The following SLC6A7 variants were observed in gnomAD, a reference collection of about 807,000 sequenced individuals.
SLC6A7 encodes sodium-dependent proline transporter.
A neutral mutation model predicts 73.1 loss-of-function variants in SLC6A7; 58 were observed. That is an observed-to-expected ratio of 0.79 (90% CI 0.64 to 0.99). SLC6A7 has a LOEUF of 0.99. SLC6A7 is among the 50% of genes least tolerant of loss of function. The pLI, the probability that SLC6A7 is intolerant of heterozygous loss-of-function variation, is 0.00. For synonymous variants in SLC6A7, 338 were observed against 338.7 expected, an observed-to-expected ratio of 1.00 and a Z score of 0.02; for missense variants, 783 against 831.4, an observed-to-expected ratio of 0.94 and a Z score of 0.72.
In SLC6A7 at chr5:150,206,088, A is replaced by C. The variant is rs140122020; in HGVS notation, c.1701+465A>C. 3.5e-3 allele frequency among the ~76,000 whole-genome samples: 528 copies of C among 152,322 alleles called. 3 individuals are homozygous for C. The highest frequency in any genetic ancestry group is 0.012 in the African/African-American group (508 of 41,584). ...CGCCTAGGGTTTTGGGGAGGGACTC[A>C]GACAAACAGAGAGAGTGCACTCTGC... On this transcript the variant is annotated intron_variant, in intron 13 of 13. Transcript: ENST00000230671.
rs764568045 is a variant in SLC6A7, at chr5:150,203,977, C to T, written c.1271C>T (p.Ala424Val). 12 of 1,613,612 alleles carry T rather than the reference C, an allele frequency of 7.4e-6. No homozygotes were observed. The highest frequency in any genetic ancestry group is 1.6e-4 in the Middle Eastern group (1 of 6,084). Reference sequence around the variant, plus strand: ...CCATACTACCTGCGGCCCAAGAAGGCGGTGTTCTCAGGGCTCATCTGCGTG... The same window carrying T: ...CCATACTACCTGCGGCCCAAGAAGGTGGTGTTCTCAGGGCTCATCTGCGTG... ...EFPYYLRPKK[A>V]VFSGLICVAM... The change falls in exon 10 of 14, where the codon GCG (alanine) becomes GTG (valine). Residue 424 changes from alanine (A) to valine (V), a missense_variant. Ala to Val is a moderately conservative substitution (Grantham distance 64). Transcript: ENST00000230671.
rs368604550 is a variant in SLC6A7, at chr5:150,209,594, G to T, written c.1890G>T (p.Glu630Asp). ...TCGAGGTGGACCGTGAGATTGCAGA[G>T]GAGGAGGAGTCGATGATGTGAGGCA... is the stretch of plus-strand genomic sequence containing the variant. ...TAIEVDREIAEEEESMM is the reference protein window; with the variant it reads ...TAIEVDREIADEEESMM Residue 630 changes from glutamate (E) to aspartate (D), a missense_variant, in exon 14 of 14, where the codon GAG becomes GAT. Glu to Asp is a conservative substitution (Grantham distance 45). Coordinates refer to ENST00000230671, the MANE Select transcript of SLC6A7 (RefSeq NM_014228.5). The T allele has an allele frequency of 5.8e-5, 93 of 1,608,836 alleles. No homozygotes were observed. The highest frequency in any genetic ancestry group is 7.5e-5 in the Non-Finnish European group (88 of 1,177,340).
intron 1 of SLC6A7, among the ~76,000 whole-genome samples, chr5:150,193,444 C>T (rs1752874120): frequency 6.6e-6 from 1 of 152,210 alleles, no homozygotes; most frequent in Non-Finnish European, 1.5e-5. Flanking sequence ...ACAAAATTCA[C>T]CCAGCCCTCA....
chr5:150,193,860 C>T (rs3776088), intron 1 of SLC6A7, among the ~76,000 whole-genome samples: 4,709 of 152,274 alleles, frequency 0.031, 103 homozygotes, highest in East Asian at 0.12. Flanking sequence ...ACCTGGCTTT[C>T]GCATCAGGAA....
chr5:150,208,090 C>T (rs923224024), intron 13 of SLC6A7, among the ~76,000 whole-genome samples: 1 of 151,914 alleles, frequency 6.6e-6, no homozygotes, highest in Non-Finnish European at 1.5e-5. Context: ...GGTCTGAGCA[C>T]CCCCGTTTTC....
At chr5:150,197,811 T>C (rs1166292836) in intron 4 of SLC6A7, among the ~76,000 whole-genome samples, 1 of 152,116 alleles carries the variant, frequency 6.6e-6, no homozygotes, top group African/African-American at 2.4e-5. Flanking sequence ...AGGACGTACA[T>C]AGTAAGGACC....
At position 150,209,438 on chromosome 5, in the gene SLC6A7, C is replaced by G. The variant is rs766362022; in HGVS notation, c.1734C>G (p.Asp578Glu). The G allele has an allele frequency of 6.2e-7, 1 of 1,613,994 alleles. No homozygotes were observed. The highest frequency in any genetic ancestry group is 1.1e-5 in the South Asian group (1 of 91,076). ...AACAGGCCAGCCGGCCGGCCATGGA[C>G]TGGGGACCATCGCTGGAGGAGAACC... ...RLQQASRPAM[D>E]WGPSLEENRT... The change falls in exon 14 of 14, where the codon GAC becomes GAG. Residue 578 changes from aspartate (D) to glutamate (E), a missense_variant. Asp to Glu is a conservative substitution (Grantham distance 45). Transcript: ENST00000230671.
chr5:150,204,809 C>T lies in SLC6A7; in HGVS notation c.1433-18C>T, dbSNP rs779516317. The T allele has an allele frequency of 1.3e-6, 2 of 1,566,196 alleles. No homozygotes were observed. Among genetic ancestry groups the T allele is most frequent in the Non-Finnish European group, 1.8e-6 (2 of 1,137,132 alleles). On this transcript the variant is annotated intron_variant, in intron 11 of 13. Transcript: ENST00000230671. ...GGGCCGGCGGGTGGGGCCATTCCTC[C>T]TCCCCTCCCCTGTGCAGGCATTCAG...
intron 1 of SLC6A7, among the ~76,000 whole-genome samples, chr5:150,193,266 A>G (rs1362427418): frequency 6.6e-6 from 1 of 152,204 alleles, no homozygotes; most frequent in Non-Finnish European, 1.5e-5. Context: ...CTAAGGGAGA[A>G]TGCCCCATGG....
chr5:150,202,243 G>A lies in SLC6A7; in HGVS notation c.859-104G>A, dbSNP rs545174762. The stretch of plus-strand genomic sequence containing the variant: ...CAGGCTCATGACCACGCCATCCCTC[G>A]TGACCACGCCATCCCTGGAGCTGTC... On this transcript the variant is annotated intron_variant, in intron 6 of 13. Coordinates refer to ENST00000230671, the MANE Select transcript of SLC6A7 (RefSeq NM_014228.5). 122 of 808,228 alleles carry A rather than the reference G, an allele frequency of 1.5e-4. 7 individuals are homozygous for A. Among genetic ancestry groups the A allele is most frequent in the South Asian group, 1.2e-4 (8 of 64,560 alleles). The allele number at this position is 808,228 out of a possible 1,614,324, so 50.1% of individuals were successfully genotyped here.
intron 7 of SLC6A7, 54 bp downstream of exon 7, chr5:150,202,504 G>C: frequency 1.2e-6 from 2 of 1,610,738 alleles, no homozygotes; most frequent in Middle Eastern, 1.7e-4. Context: ...GAGGAGAGTG[G>C]CTGGCCAGGG....
In SLC6A7 at chr5:150,194,890, C is replaced by T. The variant is rs1239391602; in HGVS notation, c.196C>T (p.Arg66Ter). Residue 66 changes from arginine to a stop codon, truncating the protein, a stop_gained, in exon 2 of 14, where the codon CGA becomes TGA. Transcript: ENST00000230671. LOFTEE classifies it high-confidence loss of function. ...GLGNVWRFPY[R>*]AYTNGGGAFL... is the part of the protein sequence containing the mutation. ...GGGGAATGTCTGGCGCTTCCCCTAT[C>T]GAGCGTACACCAATGGAGGAGGTAT... 5.6e-6 allele frequency: 9 copies of T among 1,614,072 alleles called. No individual in the cohort carries two copies. The highest frequency in any genetic ancestry group is 1.3e-5 in the African/African-American group (1 of 75,060).
Position 150,190,203 on chromosome 5 carries a change from C to G in SLC6A7, c.-125C>G, listed in dbSNP as rs1268043681. The G allele has an allele frequency of 1.3e-6, 1 of 761,966 alleles. No homozygotes were observed. The highest frequency in any genetic ancestry group is 1.9e-5 in the African/African-American group (1 of 53,132). 47.2% of individuals were successfully genotyped at this position (761,966 alleles called of 1,614,324 possible). ...AGCCGCCAGACGGCAGCGCCTGCGT[C>G]CGTGCCCGCCCCAGCCGGTGCGCGG... On this transcript the variant is annotated 5_prime_UTR_variant, in exon 1 of 14. Coordinates refer to ENST00000230671, the MANE Select transcript of SLC6A7 (RefSeq NM_014228.5).
chr5:150,199,569 T>C (rs1753262639), intron 5 of SLC6A7, among the ~76,000 whole-genome samples: 1 of 152,194 alleles, frequency 6.6e-6, no homozygotes, highest in Admixed American at 6.5e-5. Flanking sequence ...GCTGCTTTAC[T>C]AGACTGGAAG....
intron 13 of SLC6A7, among the ~76,000 whole-genome samples, chr5:150,206,953 T>C (rs1753731088): frequency 6.6e-6 from 1 of 152,104 alleles, no homozygotes; most frequent in Admixed American, 6.5e-5. Flanking sequence ...GGGGCATGTT[T>C]TGGGGGGCTC....
chr5:150,198,111 GAA>G (rs869248679), intron 4 of SLC6A7, among the ~76,000 whole-genome samples: 3 of 90,268 alleles, frequency 3.3e-5, no homozygotes, highest in South Asian at 3.1e-4. Context: ...AAGAAAGAAA[GAA>G]AGAGAAAGAA....
chr5:150,191,524 G>A (rs4705422), intron 1 of SLC6A7, among the ~76,000 whole-genome samples: 33,583 of 150,734 alleles, frequency 0.22, 4,540 homozygotes, highest in Admixed American at 0.34. Flanking sequence ...TCTGCCTCCC[G>A]GGTTCACGCC....
Position 150,201,178 on chromosome 5 carries a change from C to T in SLC6A7, c.813C>T (p.Ile271=). The T allele has an allele frequency of 6.2e-7, 1 of 1,613,706 alleles. No homozygotes were observed. The highest frequency in any genetic ancestry group is 8.5e-7 in the Non-Finnish European group (1 of 1,179,790). The part of the protein sequence containing the change: ...GVTLPGAWKG[I]QFYLTPQFHH... ...CCCTCCCAGGGGCCTGGAAGGGCAT[C>T]CAGTTCTATCTCACCCCCCAGTTCC... Residue 271 remains isoleucine (I), a synonymous_variant, in exon 6 of 14, where the codon ATC becomes ATT. Transcript: ENST00000230671.
At chr5:150,195,545 T>A (rs932903298) in intron 2 of SLC6A7, among the ~76,000 whole-genome samples, 2 of 152,136 alleles carry the variant, frequency 1.3e-5, no homozygotes, top group African/African-American at 4.8e-5. Context: ...CCCTATTGGG[T>A]AGGCACCATG....
Sources: gnomAD v4.1 joint callset for allele counts (sites outside exome capture counted in the v4.1 genomes callset) on GRCh38, gnomAD v4.1.1 for gene constraint, MANE v1.5 for transcripts, NCBI Gene and HGNC (gene_info 2026-07-23, HGNC 2026-07-21) for gene names.